The following ZFAND6 variants were observed in gnomAD, a reference collection of about 807,000 sequenced individuals.
ZFAND6 encodes AN1-type zinc finger protein 6.
A neutral mutation model predicts 24.5 loss-of-function variants in ZFAND6; 12 were observed. That is an observed-to-expected ratio of 0.49 (90% CI 0.31 to 0.79). The LOEUF is 0.79. ZFAND6 is among the 30% of genes least tolerant of loss of function. The probability of loss-of-function intolerance (pLI) is 0.04; values close to 1 mark genes in which losing one functional copy is unlikely to be tolerated. For synonymous variants in ZFAND6, 92 were observed against 81.5 expected (o/e 1.13, Z -0.69); for missense variants, 207 against 245.9 (o/e 0.84, Z 1.06).
intron 1 of ZFAND6, among the ~76,000 whole-genome samples, chr15:80,077,991 G>A (rs780051062): frequency 3.3e-5 from 5 of 151,996 alleles, no homozygotes; most frequent in South Asian, 2.1e-4. Flanking sequence ...GAGCCACCGC[G>A]CCCGGCTTTC....
Position 80,137,493 on chromosome 15 carries a change from G to T in ZFAND6, c.492G>T (p.Arg164=). Residue 164 remains arginine, a synonymous_variant, in exon 7 of 7, where the codon CGG becomes CGT. Coordinates refer to ENST00000261749, the MANE Select transcript of ZFAND6 (RefSeq NM_019006.4). ...KKVGLTGFEC[R]CGNVYCGVHR... ...CTCCATTTCCAGGGTTTGAATGCCG[G>T]TGTGGAAATGTTTACTGTGGTGTAC... is the stretch of plus-strand genomic sequence containing the variant. 1.2e-6 allele frequency: 2 copies of T among 1,601,096 alleles called. No homozygotes were observed. Among genetic ancestry groups the T allele is most frequent in the Non-Finnish European group, 1.7e-6 (2 of 1,176,450 alleles).
At chr15:80,114,587 A>G (rs1003453311) in intron 2 of ZFAND6, among the ~76,000 whole-genome samples, 4 of 152,234 alleles carry the variant, frequency 2.6e-5, no homozygotes, top group South Asian at 2.1e-4. Context: ...AGGGTGAAGC[A>G]TTTCAAAATA....
At chr15:80,073,354 A>G in intron 1 of ZFAND6, 2 of 326,270 alleles carry the variant, frequency 6.1e-6, no homozygotes, top group Non-Finnish European at 1.2e-5. Flanking sequence ...ACTTTTTTTT[A>G]AAGTATCTGA....
At chr15:80,126,090 A>G (rs2040359293) in intron 5 of ZFAND6, among the ~76,000 whole-genome samples, 1 of 152,224 alleles carries the variant, frequency 6.6e-6, no homozygotes, top group Non-Finnish European at 1.5e-5. Flanking sequence ...ATTCTAGGAA[A>G]GATGAGTTGA....
chr15:80,120,496 C>T lies in ZFAND6; in HGVS notation c.152C>T (p.Pro51Leu), dbSNP rs751372778. The T allele has an allele frequency of 6.6e-7, 1 of 1,526,382 alleles. No homozygotes were observed. 94.6% of individuals were successfully genotyped at this position (1,526,382 alleles called of 1,614,324 possible). A position where few individuals can be genotyped will look rare whatever the true frequency, so the allele number is the denominator to read the frequency against. Residue 51 changes from proline to leucine, a missense_variant and splice_region_variant, in exon 3 of 7, where the codon CCT becomes CTT. Transcript: ENST00000261749. ...AGTAGTAATGGTAGAATAAGCCCACCTGGTAAGTAATTCTAGTGAAACCCG... is the reference window on the plus strand; with the variant it reads ...AGTAGTAATGGTAGAATAAGCCCACTTGGTAAGTAATTCTAGTGAAACCCG... ...QNSSNGRISP[P>L]ATSVSSLSES...
chr15:80,072,155 T>G (rs1270113479), intron 1 of ZFAND6, among the ~76,000 whole-genome samples: 1 of 152,138 alleles, frequency 6.6e-6, no homozygotes, highest in African/African-American at 2.4e-5. Flanking sequence ...CTGTTGCCGT[T>G]TTACAATTTT....
intron 5 of ZFAND6, chr15:80,130,745 T>G (rs1447859402): frequency 6.3e-6 from 1 of 157,582 alleles, no homozygotes; most frequent in African/African-American, 2.4e-5. Flanking sequence ...CACAGAATCT[T>G]GGTTTCACCT....
intron 5 of ZFAND6, among the ~76,000 whole-genome samples, chr15:80,124,293 C>T (rs1410529660): frequency 6.6e-6 from 1 of 152,048 alleles, no homozygotes; most frequent in Non-Finnish European, 1.5e-5. Flanking sequence ...ATTAGCTGGG[C>T]GTGGTGGCGG....
intron 1 of ZFAND6, among the ~76,000 whole-genome samples, chr15:80,097,198 C>G (rs188893870): frequency 7.2e-5 from 11 of 151,948 alleles, no homozygotes; most frequent in Admixed American, 1.3e-4. Flanking sequence ...CGGGGTTTCA[C>G]CATGTTGGCC....
chr15:80,099,591 G>A (rs1256142744), intron 2 of ZFAND6, among the ~76,000 whole-genome samples: 1 of 144,754 alleles, frequency 6.9e-6, no homozygotes. Context: ...TAGAAAACGT[G>A]AAGAATACAC....
chr15:80,078,898 A>G (rs2037455377), intron 1 of ZFAND6, among the ~76,000 whole-genome samples: 1 of 144,596 alleles, frequency 6.9e-6, no homozygotes, highest in African/African-American at 2.6e-5. Context: ...TTATTTTATT[A>G]TTATTATACT....
chr15:80,097,168 T>C (rs913071162), intron 1 of ZFAND6, among the ~76,000 whole-genome samples: 13 of 151,848 alleles, frequency 8.6e-5, no homozygotes, highest in African/African-American at 3.1e-4. Flanking sequence ...CCCTGCTAAT[T>C]TTTGTGTTAT....
At chr15:80,086,703 A>T (rs1262835300) in intron 1 of ZFAND6, among the ~76,000 whole-genome samples, 2 of 152,268 alleles carry the variant, frequency 1.3e-5, no homozygotes, top group African/African-American at 4.8e-5. Context: ...GTTTTTAAAT[A>T]GACCATTCAG....
intron 1 of ZFAND6, among the ~76,000 whole-genome samples, chr15:80,086,434 G>A (rs1316874316): frequency 6.6e-6 from 1 of 152,140 alleles, no homozygotes. Context: ...AAGTTATGTT[G>A]TTACTACCAC....
rs575897853 is a variant in ZFAND6, at chr15:80,108,994, C to CTGG, written c.-18+10417_-18+10419dup. Reference sequence around the variant, plus strand: ...CTGCCTGTCTCGGCCTCCCAAAGTGCTGGGATTACAGGTGTGAGCCACCGC... The same window carrying CTGG: ...CTGCCTGTCTCGGCCTCCCAAAGTGCTGGTGGGATTACAGGTGTGAGCCACCGC... On this transcript the variant is annotated intron_variant, in intron 2 of 6. Transcript: ENST00000261749. Among the ~76,000 whole-genome samples the CTGG allele has an allele frequency of 3.7e-4, 57 of 152,260 alleles. 1 individual carries two copies. The South Asian group carries it at 0.012, about 32-fold the overall frequency.
intron 2 of ZFAND6, chr15:80,112,971 A>C (rs1425045317): frequency 2.5e-6 from 1 of 405,406 alleles, no homozygotes; most frequent in Non-Finnish European, 4.9e-6. Flanking sequence ...CATTCTGAGC[A>C]GTTAGTTTTC....
intron 5 of ZFAND6, chr15:80,130,370 CAGT>C (rs1020385689): frequency 6.6e-6 from 1 of 151,470 alleles, no homozygotes; most frequent in African/African-American, 2.4e-5. Context: ...ATTAATGGAG[CAGT>C]GGATCCCTGG....
intron 1 of ZFAND6, among the ~76,000 whole-genome samples, chr15:80,077,698 T>TTTTC (rs2037368503): frequency 1.5e-4 from 3 of 20,266 alleles, no homozygotes; most frequent in Admixed American, 1.0e-3. Flanking sequence ...GTTTTCTTTC[T>TTTTC]TTTTTTTTTT....
At chr15:80,102,483 A>C (rs944647218) in intron 2 of ZFAND6, among the ~76,000 whole-genome samples, 4 of 152,226 alleles carry the variant, frequency 2.6e-5, no homozygotes, top group African/African-American at 9.6e-5. Flanking sequence ...GAAGTCTGTC[A>C]GTGACTGCTT....
Sources: allele counts gnomAD v4.1 joint callset (sites outside exome capture counted in the v4.1 genomes callset), GRCh38; gene constraint gnomAD v4.1.1; transcripts MANE v1.5; gene names NCBI Gene and HGNC (gene_info 2026-07-23, HGNC 2026-07-21).